KLRG1: variants seen among roughly 807,000 people sequenced by gnomAD.
KLRG1 encodes killer cell lectin like receptor G1, also known as killer cell lectin-like receptor subfamily G member 1.
KLRG1 carries 16 observed loss-of-function variants against 21.8 expected under a neutral mutation model. The observed-to-expected ratio is 0.73, with a 90% CI of 0.50 to 1.11. The LOEUF (loss-of-function observed/expected upper bound fraction) is 1.11, where lower values mean the gene tolerates loss of function less well. Among genes scored for constraint, KLRG1 ranks in the 50% most tolerant of loss-of-function variants. KLRG1 has a pLI of 0.00. For synonymous variants in KLRG1, 69 were observed against 75.9 expected (o/e 0.91, Z 0.47); for missense variants, 173 against 218.3 (o/e 0.79, Z 1.31).
intron 1 of KLRG1, among the ~76,000 whole-genome samples, chr12:8,977,096 T>C (rs1946668771): frequency 6.6e-6 from 1 of 152,022 alleles, no homozygotes; most frequent in Non-Finnish European, 1.5e-5. Flanking sequence ...ATTTCTGCTC[T>C]CTTTTGGTTA....
In KLRG1 at chr12:8,972,253, G is replaced by A. The variant is rs1267696206; in HGVS notation, c.-155-19953G>A. ...GCTCACTGCAAGCTCCACCTCCTGG[G>A]TTCACACCATTCTCCTGCCTCAGCC... On this transcript the variant is annotated intron_variant, in intron 1 of 4. Coordinates refer to the KLRG1 transcript ENST00000539240. Among the ~76,000 whole-genome samples, 5 of 152,156 alleles carry A rather than the reference G, an allele frequency of 3.3e-5. No individual in the cohort carries two copies. In the East Asian group the frequency reaches 9.6e-4, roughly 29 times the overall value.
chr12:9,202,972 C>T, the KLRG1 span, among the ~76,000 whole-genome samples: 1 of 152,122 alleles, frequency 6.6e-6, no homozygotes, highest in Admixed American at 6.5e-5. Flanking sequence ...TGGAGAGAAA[C>T]ATCTCTGAAA....
intron 3 of KLRG1, among the ~76,000 whole-genome samples, chr12:8,996,047 G>T (rs748123154): frequency 8.5e-5 from 13 of 152,232 alleles, no homozygotes; most frequent in Non-Finnish European, 1.3e-4. Context: ...TTGTGGCAAG[G>T]GCTTAAATGC....
At chr12:9,143,085 T>C in the KLRG1 span, among the ~76,000 whole-genome samples, 1 of 152,228 alleles carries the variant, frequency 6.6e-6, no homozygotes, top group Non-Finnish European at 1.5e-5. Context: ...TTAGTTAAGC[T>C]GAGTGCTCTT....
At chr12:9,192,264 GA>G in the KLRG1 span, 1 of 1,612,780 alleles carries the variant, frequency 6.2e-7, no homozygotes, top group Non-Finnish European at 8.5e-7. Context: ...GATCTGAAAT[GA>G]AAAAACAGTG....
At chr12:9,115,899 C>G in the KLRG1 span, 3 of 1,463,758 alleles carry the variant, frequency 2.0e-6, no homozygotes, top group South Asian at 2.3e-5. Context: ...GTACCCTACT[C>G]CCTACAATCC....
the KLRG1 span, among the ~76,000 whole-genome samples, chr12:9,140,300 G>GT: frequency 1.6e-4 from 24 of 152,270 alleles, no homozygotes; most frequent in Admixed American, 1.4e-3. Context: ...CCATGCTATG[G>GT]TTTTTTTCCC....
downstream of KLRG1, among the ~76,000 whole-genome samples, chr12:9,013,231 A>G (rs896553456): frequency 2.0e-5 from 3 of 152,200 alleles, no homozygotes; most frequent in African/African-American, 7.2e-5. Context: ...GAATGCTTGG[A>G]GAGTTTTCCC....
chr12:9,016,597 A>T, the KLRG1 span, among the ~76,000 whole-genome samples: 1 of 152,222 alleles, frequency 6.6e-6, no homozygotes, highest in African/African-American at 2.4e-5. Context: ...ACTAATACCA[A>T]TCCTACTCAA....
the KLRG1 span, among the ~76,000 whole-genome samples, chr12:9,025,770 T>C: frequency 6.6e-6 from 1 of 152,212 alleles, no homozygotes; most frequent in East Asian, 1.9e-4. Context: ...CCCTTCCCCA[T>C]GGAAGAAGGA....
chr12:9,197,834 C>T, the KLRG1 span, among the ~76,000 whole-genome samples: 1 of 60,158 alleles, frequency 1.7e-5, no homozygotes, highest in Non-Finnish European at 3.1e-5. Context: ...ATATATTATA[C>T]AATATATAAT....
At chr12:9,158,211 TCC>T in the KLRG1 span, among the ~76,000 whole-genome samples, 31 of 152,334 alleles carry the variant, frequency 2.0e-4, no homozygotes, top group African/African-American at 7.5e-4. Flanking sequence ...TGCCTTGGCC[TCC>T]CAAAGTGCTG....
intron 1 of KLRG1, among the ~76,000 whole-genome samples, chr12:8,966,787 G>T (rs1343900680): frequency 3.3e-4 from 46 of 138,262 alleles, no homozygotes; most frequent in Admixed American, 9.8e-4. Flanking sequence ...CCATTCCTCA[G>T]GGATCTAGAA....
the KLRG1 span, chr12:9,201,039 C>A: frequency 8.7e-6 from 14 of 1,613,940 alleles, no homozygotes; most frequent in East Asian, 3.1e-4. Context: ...TGCCATTGTG[C>A]AATTCGATTT....
chr12:9,000,246 A>T (rs1415580249), intron 3 of KLRG1, among the ~76,000 whole-genome samples: 1 of 152,166 alleles, frequency 6.6e-6, no homozygotes, highest in Non-Finnish European at 1.5e-5. Context: ...CATAGATGGT[A>T]GGGGAATTGC....
chr12:8,995,016 G>GAGCAGGGAAGA, intron 2 of KLRG1, 103 bp from the exon 3 acceptor site: 1 of 993,524 alleles, frequency 1.0e-6, no homozygotes, highest in Admixed American at 2.8e-5. Context: ...AAAAGTGGTG[G>GAGCAGGGAAGA]AGCAGGGAAG....
At chr12:9,120,755 A>G in the KLRG1 span, among the ~76,000 whole-genome samples, 7 of 152,246 alleles carry the variant, frequency 4.6e-5, no homozygotes, top group Non-Finnish European at 8.8e-5. Context: ...TTGACGAAGT[A>G]TCTTGGGCAA....
At chr12:8,983,072 GT>G (rs1340528483) in intron 1 of KLRG1, among the ~76,000 whole-genome samples, 1 of 151,532 alleles carries the variant, frequency 6.6e-6, no homozygotes, top group Non-Finnish European at 1.5e-5. Flanking sequence ...TCATTTTGCT[GT>G]TTTTTAAAAT....
chr12:8,962,416 A>G (rs1430080367), intron 1 of KLRG1, among the ~76,000 whole-genome samples: 1 of 152,142 alleles, frequency 6.6e-6, no homozygotes, highest in African/African-American at 2.4e-5. Context: ...GAAAATATCC[A>G]AAATAAATAC....
Sources: gnomAD v4.1 joint callset for allele counts (sites outside exome capture counted in the v4.1 genomes callset) on GRCh38, gnomAD v4.1.1 for gene constraint, MANE v1.5 for transcripts, NCBI Gene and HGNC (gene_info 2026-07-23, HGNC 2026-07-21) for gene names.